DACH2: variants seen among roughly 807,000 people sequenced by gnomAD.
DACH2 encodes dachshund homolog 2.
In DACH2, 17 loss-of-function variants were observed where a neutral mutation model predicts 35.8. That is an observed-to-expected ratio of 0.48 (90% CI 0.33 to 0.71). The LOEUF (loss-of-function observed/expected upper bound fraction) is 0.71. DACH2 is among the 30% of genes least tolerant of loss of function. DACH2 has a pLI of 0.02. For missense variants in DACH2, 469 were observed against 472.7 expected (o/e 0.99, Z 0.07); for synonymous variants, 195 against 177.3 (o/e 1.10, Z -0.79).
intron 1 of DACH2, among the ~76,000 whole-genome samples, chrX:86,346,218 T>TA (rs1350002375): frequency 1.8e-5 from 2 of 110,981 alleles, no homozygotes; most frequent in Non-Finnish European, 3.8e-5. Context: ...AGTCAGGGCA[T>TA]AAATTCATCC....
chrX:86,303,201 T>C (rs772601041), intron 1 of DACH2, among the ~76,000 whole-genome samples: 1 of 107,516 alleles, frequency 9.3e-6, no homozygotes, highest in Non-Finnish European at 1.9e-5. Context: ...ATTTTAGCTT[T>C]ACTGCTACTA....
At chrX:86,191,307 A>T (rs997613111) in intron 1 of DACH2, among the ~76,000 whole-genome samples, 10 of 112,209 alleles carry the variant, frequency 8.9e-5, no homozygotes, top group African/African-American at 3.2e-4. Context: ...ATTAAAATGA[A>T]CAAGACCATG....
intron 2 of DACH2, among the ~76,000 whole-genome samples, chrX:86,382,647 G>A (rs1166443564): frequency 9.0e-6 from 1 of 110,784 alleles, no homozygotes; most frequent in Non-Finnish European, 1.9e-5. Flanking sequence ...ATATAAATCA[G>A]TTAATCTCTT....
chrX:86,327,656 A>G (rs992949508), intron 1 of DACH2, among the ~76,000 whole-genome samples: 2 of 112,069 alleles, frequency 1.8e-5, no homozygotes, highest in Non-Finnish European at 3.8e-5. Flanking sequence ...CAGAATTGTC[A>G]TTAGGTTTAA....
intron 6 of DACH2, among the ~76,000 whole-genome samples, chrX:86,731,435 A>G (rs1159071889): frequency 8.9e-6 from 1 of 111,783 alleles, no homozygotes; most frequent in African/African-American, 3.2e-5. Context: ...TCTTCACGGC[A>G]ATCTTTTCTT....
In DACH2 at chrX:86,724,324, G is replaced by A. The variant is rs140980532; in HGVS notation, c.1104+9604G>A. Among the ~76,000 whole-genome samples the A allele has an allele frequency of 5.7e-3, 642 of 111,834 alleles. 10 individuals carry two copies. Among genetic ancestry groups the A allele is most frequent in the African/African-American group, 0.02 (603 of 30,840 alleles). ...TACTTCCACATGTTTTCGTGATGGC[G>A]AATAGTGAACTTTTGTTTCCATGTT... is the stretch of plus-strand genomic sequence containing the variant. On this transcript the variant is annotated intron_variant, in intron 6 of 11. Transcript: ENST00000373125.
intron 7 of DACH2, among the ~76,000 whole-genome samples, chrX:86,771,082 A>G (rs916143798): frequency 6.2e-5 from 7 of 113,305 alleles, no homozygotes; most frequent in African/African-American, 9.6e-5. Context: ...GAAATCTCAC[A>G]TGGTTTGCTT....
intron 6 of DACH2, among the ~76,000 whole-genome samples, chrX:86,729,268 G>A (rs766371908): frequency 9.8e-4 from 110 of 112,236 alleles, no homozygotes; most frequent in Middle Eastern, 4.6e-3. Context: ...GCAGGGTTTT[G>A]AACTTGCGTG....
At chrX:86,297,698 G>A (rs750072820) in intron 1 of DACH2, among the ~76,000 whole-genome samples, 1 of 112,070 alleles carries the variant, frequency 8.9e-6, no homozygotes, top group Non-Finnish European at 1.9e-5. Context: ...AATGTTTCAT[G>A]CTCTATTCTT....
chrX:86,772,525 A>G (rs1431510698), intron 7 of DACH2, among the ~76,000 whole-genome samples: 1 of 111,764 alleles, frequency 8.9e-6, no homozygotes, highest in African/African-American at 3.2e-5. Context: ...AAAGTAACGC[A>G]TGAGTGTTTT....
At chrX:86,532,799 A>G (rs2038742024) in intron 3 of DACH2, among the ~76,000 whole-genome samples, 1 of 110,974 alleles carries the variant, frequency 9.0e-6, no homozygotes, top group African/African-American at 3.3e-5. Context: ...ACATCTGTTG[A>G]AGTTTATGAT....
chrX:86,204,188 G>A (rs2032226538), intron 1 of DACH2, among the ~76,000 whole-genome samples: 2 of 111,794 alleles, frequency 1.8e-5, no homozygotes, highest in African/African-American at 6.5e-5. Context: ...AGCTCCAAGA[G>A]GGCAAGATCT....
At chrX:86,437,474 A>C (rs1303744201) in intron 2 of DACH2, among the ~76,000 whole-genome samples, 1 of 111,745 alleles carries the variant, frequency 8.9e-6, no homozygotes, top group Non-Finnish European at 1.9e-5. Context: ...GGTATTTACC[A>C]TTCTATTCTC....
chrX:86,204,487 T>C (rs2032234896), intron 1 of DACH2, among the ~76,000 whole-genome samples: 1 of 111,739 alleles, frequency 8.9e-6, no homozygotes, highest in Admixed American at 9.6e-5. Flanking sequence ...AAAGGCATGA[T>C]CGCAGTGGCT....
intron 3 of DACH2, among the ~76,000 whole-genome samples, chrX:86,643,592 T>A (rs1213335306): frequency 2.7e-5 from 3 of 110,843 alleles, no homozygotes; most frequent in Admixed American, 9.6e-5. Context: ...GAGGAGGGAC[T>A]CCTCCCCAAC....
intron 4 of DACH2, among the ~76,000 whole-genome samples, chrX:86,667,545 GAAGAAAGAAAGAAAGAAAGAAAGA>G (rs367810959): frequency 2.2e-4 from 7 of 31,364 alleles, no homozygotes; most frequent in South Asian, 1.8e-3. Flanking sequence ...AAGAAAGAAA[GAAGAAAGAAAGAAAGAAAGAAAGA>G]AAGAAAGAAA....
chrX:86,433,907 T>C (rs890250038), intron 2 of DACH2, among the ~76,000 whole-genome samples: 1 of 111,799 alleles, frequency 8.9e-6, no homozygotes, highest in Non-Finnish European at 1.9e-5. Flanking sequence ...AACATTATCA[T>C]GCATGTCCCT....
At chrX:86,505,998 C>G (rs1227721346) in intron 2 of DACH2, among the ~76,000 whole-genome samples, 1 of 111,656 alleles carries the variant, frequency 9.0e-6, no homozygotes, top group Non-Finnish European at 1.9e-5. Context: ...CTCAATATGG[C>G]CAAACTAGTA....
intron 2 of DACH2, among the ~76,000 whole-genome samples, chrX:86,449,386 T>C (rs2037325355): frequency 9.3e-6 from 1 of 108,056 alleles, no homozygotes; most frequent in African/African-American, 3.4e-5. Context: ...TTAATTGTGA[T>C]GTTAGGGTGT....
Sources: gnomAD v4.1 joint callset for allele counts (sites outside exome capture counted in the v4.1 genomes callset) on GRCh38, gnomAD v4.1.1 for gene constraint, MANE v1.5 for transcripts, NCBI Gene and HGNC (gene_info 2026-07-23, HGNC 2026-07-21) for gene names.